Variants in ITGAV observed in about 807,000 individuals in gnomAD.
ITGAV encodes integrin subunit alpha V, also known as integrin alpha-V.
In ITGAV, 76 loss-of-function variants were observed where a neutral mutation model predicts 143.8. That is an observed-to-expected ratio of 0.53 (90% confidence interval 0.44 to 0.64). ITGAV has a LOEUF of 0.64. Among genes scored for constraint, ITGAV ranks in the 30% least tolerant of loss-of-function variants. The pLI, the probability that ITGAV is intolerant of heterozygous loss-of-function variation, is 0.00. For synonymous variants in ITGAV, 453 were observed against 446.7 expected, an observed-to-expected ratio of 1.01 and a Z score of -0.18; for missense variants, 1,193 against 1,274.7, an observed-to-expected ratio of 0.94 and a Z score of 0.98.
rs1316205818 is a variant in ITGAV, at chr2:186,679,731, A to G, written c.*2439A>G. 6.6e-6 allele frequency: 1 copy of G among 152,032 alleles called. No homozygotes were observed. The highest frequency in any genetic ancestry group is 1.5e-5 in the Non-Finnish European group (1 of 67,904). 9.4% of individuals were successfully genotyped at this position (152,032 alleles called of 1,614,324 possible). A position where few individuals can be genotyped will look rare whatever the true frequency, so the allele number is the denominator to read the frequency against. ...GATATTGATTTTTATATAGGTATTTATTTCAGAATTGATATTTTGAGAAAA... is the reference window on the plus strand; with the variant it reads ...GATATTGATTTTTATATAGGTATTTGTTTCAGAATTGATATTTTGAGAAAA... On this transcript the variant is annotated 3_prime_UTR_variant, in exon 30 of 30. Coordinates refer to ENST00000261023, the MANE Select transcript of ITGAV (RefSeq NM_002210.5).
At chr2:186,603,193 A>G (rs1228397983) in intron 2 of ITGAV, among the ~76,000 whole-genome samples, 1 of 152,232 alleles carries the variant, frequency 6.6e-6, no homozygotes, top group Non-Finnish European at 1.5e-5. Flanking sequence ...TTCTTCTAGT[A>G]CAATAGTCTT....
chr2:186,627,963 A>G (rs1687719052), intron 4 of ITGAV, among the ~76,000 whole-genome samples: 2 of 152,164 alleles, frequency 1.3e-5, no homozygotes, highest in Admixed American at 6.5e-5. Flanking sequence ...AGCCACCTAT[A>G]ATAGGCCTAA....
chr2:186,636,991 G>A, intron 7 of ITGAV, 74 bp from the exon 8 acceptor site: 1 of 1,209,230 alleles, frequency 8.3e-7, no homozygotes, highest in Non-Finnish European at 1.2e-6. Flanking sequence ...TATTTTCAAG[G>A]AATGCTTACT....
chr2:186,626,950 C>A (rs1208565811), intron 4 of ITGAV, among the ~76,000 whole-genome samples: 1 of 152,048 alleles, frequency 6.6e-6, no homozygotes, highest in African/African-American at 2.4e-5. Flanking sequence ...AAAAATGTTC[C>A]TATTTGAAAA....
chr2:186,676,098 C>T (rs769485591), intron 28 of ITGAV, 171 bp downstream of exon 28: 27 of 556,478 alleles, frequency 4.9e-5, no homozygotes, highest in South Asian at 4.0e-4. Flanking sequence ...CTCCTTACCC[C>T]GAAGTGATTA....
chr2:186,656,828 C>T (rs1688603218), intron 17 of ITGAV, among the ~76,000 whole-genome samples: 1 of 152,100 alleles, frequency 6.6e-6, no homozygotes, highest in African/African-American at 2.4e-5. Flanking sequence ...CAGACACCAG[C>T]ACAGGAATTC....
Position 186,640,937 on chromosome 2 carries a change from C to A in ITGAV, c.926C>A (p.Ser309Tyr). ...GEQMAAYFGF[S>Y]VAATDINGDD... ...CAGATGGCTGCATATTTCGGATTTTCTGTAGCTGCCACTGACATTAATGGA... is the reference window on the plus strand; with the variant it reads ...CAGATGGCTGCATATTTCGGATTTTATGTAGCTGCCACTGACATTAATGGA... The change falls in exon 11 of 30, where the codon TCT (serine) becomes TAT (tyrosine). Residue 309 changes from serine (S) to tyrosine (Y), a missense_variant. By Grantham distance (144) the Ser-to-Tyr change is moderately radical. Coordinates refer to ENST00000261023, the MANE Select transcript of ITGAV (RefSeq NM_002210.5). The A allele has an allele frequency of 6.3e-7, 1 of 1,595,974 alleles. No homozygotes were observed. Among genetic ancestry groups the A allele is most frequent in the East Asian group, 2.2e-5 (1 of 44,590 alleles).
chr2:186,675,777 G>T (rs1559071418), intron 27 of ITGAV, 43 bp from the exon 28 acceptor site: 1 of 1,540,824 alleles, frequency 6.5e-7, no homozygotes, highest in Middle Eastern at 1.7e-4. Flanking sequence ...AAATATAAAA[G>T]GCCTGATATC....
intron 5 of ITGAV, among the ~76,000 whole-genome samples, chr2:186,631,969 T>C (rs1687824389): frequency 6.6e-6 from 1 of 152,122 alleles, no homozygotes. Context: ...TGAGGCTGCA[T>C]TGAGCCATGT....
At chr2:186,630,053 G>A (rs1003241323) in intron 4 of ITGAV, among the ~76,000 whole-genome samples, 1 of 151,972 alleles carries the variant, frequency 6.6e-6, no homozygotes, top group African/African-American at 2.4e-5. Flanking sequence ...TTTAAAGATG[G>A]TTACTTTAAT....
At chr2:186,670,667 C>T (rs954573746) in intron 26 of ITGAV, among the ~76,000 whole-genome samples, 1 of 152,124 alleles carries the variant, frequency 6.6e-6, no homozygotes, top group Non-Finnish European at 1.5e-5. Context: ...CTTGTTAGTC[C>T]TCAACCATTC....
Position 186,602,055 on chromosome 2 carries a change from AAC to A in ITGAV, c.223_224del (p.Thr75HisfsTer15), listed in dbSNP as rs771142467. 2 of 1,612,004 alleles carry A rather than the reference AAC, an allele frequency of 1.2e-6. No homozygotes were observed. Among genetic ancestry groups the A allele is most frequent in the Non-Finnish European group, 1.7e-6 (2 of 1,178,934 alleles). The stretch of plus-strand genomic sequence containing the variant: ...TCTTCTCGTGGGAGCTCCCAAAGCA[AAC>A]ACCACCCAGCCTGGGATTGTGGAAG... ...MFLLVGAPKA[N>X]TTQPGIVEGG... is the part of the protein sequence containing the mutation. On this transcript the variant is annotated frameshift_variant, in exon 2 of 30. Coordinates refer to ENST00000261023, the MANE Select transcript of ITGAV (RefSeq NM_002210.5). LOFTEE classifies it high-confidence loss of function.
At chr2:186,632,996 GATAGATAC>G (rs1010592854) in intron 5 of ITGAV, among the ~76,000 whole-genome samples, 1 of 151,544 alleles carries the variant, frequency 6.6e-6, no homozygotes, top group African/African-American at 2.4e-5. Flanking sequence ...TAGATAGATA[GATAGATAC>G]ATAGACAGAT....
In ITGAV at chr2:186,596,840, A is replaced by G. The variant is rs1041238286; in HGVS notation, c.186-5181A>G. Reference sequence around the variant, plus strand: ...TGTCTAAGGTCATTTTACTTTCTCTATCTCTTCATTGTTCTCTTTAAAAAA... The same window carrying G: ...TGTCTAAGGTCATTTTACTTTCTCTGTCTCTTCATTGTTCTCTTTAAAAAA... On this transcript the variant is annotated intron_variant, in intron 1 of 29. Transcript: ENST00000261023. 4.6e-5 allele frequency among the ~76,000 whole-genome samples: 7 copies of G among 152,112 alleles called. 1 individual carries two copies. The highest frequency in any genetic ancestry group is 3.3e-4 in the Admixed American group (5 of 15,278).
At chr2:186,636,986 T>A in intron 7 of ITGAV, 79 bp from the exon 8 acceptor site, 1 of 1,170,722 alleles carries the variant, frequency 8.5e-7, no homozygotes, top group Non-Finnish European at 1.3e-6. Context: ...GAAAATATTT[T>A]CAAGGAATGC....
chr2:186,602,286 G>A, intron 2 of ITGAV, 135 bp downstream of exon 2: 1 of 605,896 alleles, frequency 1.7e-6, no homozygotes, highest in Non-Finnish European at 2.7e-6. Flanking sequence ...ATTATATAAA[G>A]ACAAACGATT....
At position 186,649,394 on chromosome 2, in the gene ITGAV, A is replaced by G. The variant is rs537809690; in HGVS notation, c.1352-446A>G. ...GAACCAGTTGAACCTGTGGCATATG[A>G]AAACTAATGCATTTCATTCTTGCTG... is the stretch of plus-strand genomic sequence containing the variant. On this transcript the variant is annotated intron_variant, in intron 13 of 29. Transcript: ENST00000261023. 7.9e-5 allele frequency among the ~76,000 whole-genome samples: 12 copies of G among 152,188 alleles called. No individual in the cohort carries two copies. The East Asian group carries it at 2.3e-3, about 29-fold the overall frequency.
chr2:186,602,027 G>A lies in ITGAV; in HGVS notation c.192G>A (p.Met64Ile). The A allele has an allele frequency of 4.4e-6, 7 of 1,607,872 alleles. No individual in the cohort carries two copies. The highest frequency in any genetic ancestry group is 5.9e-6 in the Non-Finnish European group (7 of 1,177,468). ...DFFVPSASSR[M>I]FLLVGAPKAN... The stretch of plus-strand genomic sequence containing the variant: ...TGCCGCTTTTGTATTTTAGCCGGAT[G>A]TTTCTTCTCGTGGGAGCTCCCAAAG... Residue 64 changes from methionine (M) to isoleucine (I), a missense_variant, in exon 2 of 30, where the codon ATG becomes ATA. Met to Ile is a conservative substitution (Grantham distance 10). Coordinates refer to ENST00000261023, the MANE Select transcript of ITGAV (RefSeq NM_002210.5).
chr2:186,667,602 G>A, intron 23 of ITGAV, 69 bp from the exon 24 acceptor site: 1 of 740,842 alleles, frequency 1.3e-6, no homozygotes, highest in Non-Finnish European at 2.3e-6. Flanking sequence ...TGAATATGGG[G>A]TACTTTTGAA....
Sources: gnomAD v4.1 joint callset for allele counts (sites outside exome capture counted in the v4.1 genomes callset) on GRCh38, gnomAD v4.1.1 for gene constraint, MANE v1.5 for transcripts, NCBI Gene and HGNC (gene_info 2026-07-23, HGNC 2026-07-21) for gene names.